Variants in EIF2A observed in about 807,000 individuals in gnomAD.
The protein encoded by EIF2A is 65 kDa eukaryotic translation initiation factor 2A.
In EIF2A, 62 loss-of-function variants were observed where a neutral mutation model predicts 75.2. That is an observed-to-expected ratio of 0.82 (90% CI 0.67 to 1.02). EIF2A has a LOEUF of 1.02. EIF2A is among the 50% of genes least tolerant of loss of function. The pLI, the probability that EIF2A is intolerant of heterozygous loss-of-function variation, is 0.00. For synonymous variants in EIF2A, 207 were observed against 239.0 expected (o/e 0.87, Z 1.23); for missense variants, 611 against 677.7 (o/e 0.90, Z 1.09).
chr3:150,563,763 G>C, intron 5 of EIF2A, 149 bp downstream of exon 5: 1 of 637,348 alleles, frequency 1.6e-6, no homozygotes, highest in Non-Finnish European at 2.6e-6. Context: ...GAATGTAATA[G>C]AGCAAAAACT....
At chr3:150,562,350 A>T (rs997101585) in intron 3 of EIF2A, among the ~76,000 whole-genome samples, 192 bp from the exon 4 acceptor site, 1 of 151,612 alleles carries the variant, frequency 6.6e-6, no homozygotes, top group African/African-American at 2.4e-5. Flanking sequence ...TGAACCGGGG[A>T]GGTGGAGCTT....
chr3:150,549,644 A>G (rs1036512253), intron 1 of EIF2A, among the ~76,000 whole-genome samples: 2 of 152,194 alleles, frequency 1.3e-5, no homozygotes, highest in African/African-American at 4.8e-5. Context: ...GTCTCAGCAA[A>G]AATCTCAAGG....
intron 2 of EIF2A, 199 bp downstream of exon 2, chr3:150,552,624 C>G (rs1162148658): frequency 6.6e-6 from 3 of 452,042 alleles, no homozygotes; most frequent in Non-Finnish European, 7.8e-6. Context: ...GTAACTTAAG[C>G]CTATTTATAA....
chr3:150,573,680 G>A (rs910820170), intron 10 of EIF2A, among the ~76,000 whole-genome samples: 30 of 152,168 alleles, frequency 2.0e-4, no homozygotes, highest in African/African-American at 6.7e-4. Flanking sequence ...AAATGTTTAC[G>A]TGTATCTAAT....
Position 150,568,259 on chromosome 3 carries a change from G to A in EIF2A, c.778G>A (p.Ala260Thr), listed in dbSNP as rs777907343. The change falls in exon 9 of 14, where the codon GCA (alanine) becomes ACA (threonine). Residue 260 changes from alanine to threonine, a missense_variant. By Grantham distance (58) the Ala-to-Thr change is moderately conservative. Transcript: ENST00000460851. The part of the protein sequence containing the change: ...YYGEQTLHYI[A>T]TNGESAVVQL... ...TGGAGAACAAACTCTACACTACATTGCAACAAATGGAGAAAGTGCTGTAGT... is the reference window on the plus strand; with the variant it reads ...TGGAGAACAAACTCTACACTACATTACAACAAATGGAGAAAGTGCTGTAGT... The A allele has an allele frequency of 7.4e-6, 12 of 1,613,260 alleles. No individual in the cohort carries two copies. The East Asian group carries it at 2.7e-4, about 36-fold the overall frequency.
Position 150,584,452 on chromosome 3 carries a change from C to T in EIF2A, c.*541C>T, listed in dbSNP as rs999027791. Among the ~76,000 whole-genome samples, 1 of 152,180 alleles carries T rather than the reference C, an allele frequency of 6.6e-6. No individual in the cohort carries two copies. The highest frequency in any genetic ancestry group is 1.5e-5 in the Non-Finnish European group (1 of 68,032). ...TAATCCCAGAGCCTATGCTTTAGGT[C>T]ACTATGATATATACTACTCCTGTAT... On this transcript the variant is annotated 3_prime_UTR_variant, in exon 14 of 14. Transcript: ENST00000460851.
At chr3:150,582,253 G>A (rs1411160642) in intron 12 of EIF2A, among the ~76,000 whole-genome samples, 2 of 151,712 alleles carry the variant, frequency 1.3e-5, no homozygotes, top group African/African-American at 2.4e-5. Flanking sequence ...CACCCGCCTC[G>A]ACCTCCCAAA....
chr3:150,577,193 C>T (rs1219562855), intron 11 of EIF2A, among the ~76,000 whole-genome samples: 2 of 152,180 alleles, frequency 1.3e-5, no homozygotes, highest in Admixed American at 1.3e-4. Context: ...CTACTAATCT[C>T]ATTCTTGAGT....
At chr3:150,546,986 G>A in intron 1 of EIF2A, 156 bp downstream of exon 1, 1 of 966,322 alleles carries the variant, frequency 1.0e-6, no homozygotes, top group Non-Finnish European at 1.5e-6. Flanking sequence ...ATATAGCGTG[G>A]CAATCGGAAG....
At chr3:150,554,955 T>A (rs1427302096) in intron 2 of EIF2A, among the ~76,000 whole-genome samples, 2 of 151,998 alleles carry the variant, frequency 1.3e-5, no homozygotes, top group African/African-American at 4.8e-5. Flanking sequence ...TTTTCCAGAG[T>A]CTTGCTCTGC....
In EIF2A at chr3:150,562,635, C is replaced by T; in HGVS notation, c.267C>T (p.Val89=). ...VCLEFSPKNT[V]LATWQPYTTS... ...TTGAATTCTCACCCAAAAATACTGTCCTGGCAACGTGGCAGCCTTACACTA... is the reference window on the plus strand; with the variant it reads ...TTGAATTCTCACCCAAAAATACTGTTCTGGCAACGTGGCAGCCTTACACTA... Residue 89 remains valine (V), a synonymous_variant, in exon 4 of 14, where the codon GTC becomes GTT. Coordinates refer to ENST00000460851, the MANE Select transcript of EIF2A (RefSeq NM_032025.5). 1 of 1,613,216 alleles carries T rather than the reference C, an allele frequency of 6.2e-7. No individual in the cohort carries two copies. Among genetic ancestry groups the T allele is most frequent in the African/African-American group, 1.3e-5 (1 of 75,038 alleles).
Position 150,546,806 on chromosome 3 carries a change from G to A in EIF2A, c.4G>A (p.Ala2Thr), listed in dbSNP as rs780594445. M[A>T]PSTPLLTVRG... ...CGGTTTCTCTTTCCGGGACAACATG[G>A]CGCCGTCCACGCCGCTCTTGACAGG... The change falls in exon 1 of 14, where the codon GCG (alanine) becomes ACG (threonine). Residue 2 changes from alanine (A) to threonine (T), a missense_variant. Physicochemically the swap from Ala to Thr is moderately conservative, Grantham distance 58. Coordinates refer to ENST00000460851, the MANE Select transcript of EIF2A (RefSeq NM_032025.5). The A allele has an allele frequency of 1.1e-5, 18 of 1,612,412 alleles. No homozygotes were observed. In the African/African-American group the frequency reaches 2.3e-4, roughly 20 times the overall value.
chr3:150,584,641 A>C lies in EIF2A; in HGVS notation c.*730A>C, dbSNP rs1193724573. Among the ~76,000 whole-genome samples, 1 of 152,204 alleles carries C rather than the reference A, an allele frequency of 6.6e-6. No homozygotes were observed. Among genetic ancestry groups the C allele is most frequent in the African/African-American group, 2.4e-5 (1 of 41,454 alleles). On this transcript the variant is annotated 3_prime_UTR_variant, in exon 14 of 14. Coordinates refer to ENST00000460851, the MANE Select transcript of EIF2A (RefSeq NM_032025.5). ...CTTTGAAATGTTCGCCACTTTGATA[A>C]AGAGGAAATGATTGTTTGTTACTGT...
intron 2 of EIF2A, among the ~76,000 whole-genome samples, chr3:150,556,227 C>G (rs1026813038): frequency 4.6e-5 from 7 of 152,188 alleles, no homozygotes; most frequent in African/African-American, 1.7e-4. Context: ...AGTACAATCT[C>G]AGTATCACTA....
At chr3:150,556,510 A>G (rs1036385795) in intron 2 of EIF2A, among the ~76,000 whole-genome samples, 6 of 152,206 alleles carry the variant, frequency 3.9e-5, no homozygotes, top group African/African-American at 1.2e-4. Flanking sequence ...TGTTTTTAAA[A>G]AAATATACTC....
chr3:150,571,012 GC>G (rs1724483856), intron 9 of EIF2A, among the ~76,000 whole-genome samples: 2 of 151,912 alleles, frequency 1.3e-5, no homozygotes, highest in Non-Finnish European at 2.9e-5. Flanking sequence ...GTTGCATTGA[GC>G]CGAGACCGTG....
intron 10 of EIF2A, among the ~76,000 whole-genome samples, chr3:150,572,732 C>A (rs560707728): frequency 6.6e-6 from 1 of 151,750 alleles, no homozygotes; most frequent in African/African-American, 2.4e-5. Context: ...GGCGCATGCC[C>A]GTAGTCCCGG....
intron 13 of EIF2A, 107 bp from the exon 14 acceptor site, chr3:150,583,739 T>A: frequency 1.0e-6 from 1 of 982,652 alleles, no homozygotes; most frequent in Non-Finnish European, 1.5e-6. Flanking sequence ...AATCTGTGTT[T>A]ACTAGTGAAC....
At chr3:150,562,452 C>T in intron 3 of EIF2A, 90 bp from the exon 4 acceptor site, 1 of 964,386 alleles carries the variant, frequency 1.0e-6, no homozygotes. Context: ...TTGGAGTGAT[C>T]TGTATTTGAA....
Sources: allele counts gnomAD v4.1 joint callset (sites outside exome capture counted in the v4.1 genomes callset), GRCh38; gene constraint gnomAD v4.1.1; transcripts MANE v1.5; gene names NCBI Gene and HGNC (gene_info 2026-07-23, HGNC 2026-07-21).